The following EXD3 variants were observed in gnomAD, a reference collection of about 807,000 sequenced individuals.
The protein encoded by EXD3 is exonuclease mut-7 homolog.
A neutral mutation model predicts 98.0 loss-of-function variants in EXD3; 92 were observed. The observed-to-expected ratio is 0.94, with a 90% CI of 0.79 to 1.12. EXD3 has a LOEUF of 1.12. Among genes scored for constraint, EXD3 ranks in the 50% most tolerant of loss-of-function variants. The pLI is 0.00. For synonymous variants in EXD3, 569 were observed against 526.0 expected, an observed-to-expected ratio of 1.08 and a Z score of -1.12; for missense variants, 1,222 against 1,191.6, an observed-to-expected ratio of 1.03 and a Z score of -0.38.
intron 19 of EXD3, among the ~76,000 whole-genome samples, chr9:137,317,878 C>T (rs1345597022): frequency 2.6e-5 from 4 of 152,174 alleles, no homozygotes; most frequent in Admixed American, 2.6e-4. Flanking sequence ...CCTACCGCCA[C>T]CTTAGGAGCA....
chr9:137,334,570 T>A lies in EXD3; in HGVS notation c.1999-10427A>T, dbSNP rs935880178. Among the ~76,000 whole-genome samples the A allele has an allele frequency of 7.2e-5, 11 of 152,230 alleles. No homozygotes were observed. In the East Asian group the frequency reaches 2.1e-3, roughly 29 times the overall value. On this transcript the variant is annotated intron_variant, in intron 17 of 21. Coordinates refer to ENST00000340951, the MANE Select transcript of EXD3 (RefSeq NM_017820.5). ...AACTGGATCCATACCTCTCACCATATACAAAACCCAGCTCAAGATGGATGA... is the reference window on the plus strand; with the variant it reads ...AACTGGATCCATACCTCTCACCATAAACAAAACCCAGCTCAAGATGGATGA...
chr9:137,309,711 G>C lies in EXD3; in HGVS notation c.2185-11C>G, dbSNP rs777177342. The C allele has an allele frequency of 5.2e-6, 8 of 1,549,398 alleles. No homozygotes were observed. The African/African-American group carries it at 1.1e-4, about 21-fold the overall frequency. The stretch of plus-strand genomic sequence containing the variant: ...GTCACAGTTACAGGCCTGGGGGCCA[G>C]AGGGGGTGCTGAGGCCCAGGCGGGG... On this transcript the variant is annotated splice_polypyrimidine_tract_variant and intron_variant, in intron 19 of 21. Transcript: ENST00000340951.
At chr9:137,307,784 C>A in intron 20 of EXD3, 138 bp from the exon 21 acceptor site, 1 of 948,106 alleles carries the variant, frequency 1.1e-6, no homozygotes, top group East Asian at 2.6e-5. Flanking sequence ...CCCCAGCCTT[C>A]GCAGACGGGC....
chr9:137,360,264 T>C (rs1246122302), intron 7 of EXD3, among the ~76,000 whole-genome samples: 1 of 86,526 alleles, frequency 1.2e-5, no homozygotes, highest in Non-Finnish European at 2.8e-5. Context: ...ATTGTTTATT[T>C]GCTTTGTAGG....
intron 7 of EXD3, among the ~76,000 whole-genome samples, chr9:137,364,624 A>C (rs114037263): frequency 0.11 from 17,140 of 151,694 alleles, 1,389 homozygotes; most frequent in Admixed American, 0.22. Flanking sequence ...TCTAAAAAAA[A>C]AAATCATTAA....
intron 5 of EXD3, among the ~76,000 whole-genome samples, chr9:137,369,366 G>A (rs951749230): frequency 2.0e-5 from 3 of 152,072 alleles, no homozygotes; most frequent in Non-Finnish European, 2.9e-5. Flanking sequence ...CCAGAGCTCC[G>A]GAAGGCAGGG....
intron 8 of EXD3, among the ~76,000 whole-genome samples, chr9:137,355,620 AGGGAGGAT>A (rs748041005): frequency 0.038 from 268 of 7,026 alleles, 10 homozygotes; most frequent in African/African-American, 0.056. Context: ...GGAAGGAGGA[AGGGAGGAT>A]GGAGGAAGGA....
intron 19 of EXD3, among the ~76,000 whole-genome samples, chr9:137,316,056 C>A (rs1381040134): frequency 6.9e-6 from 1 of 144,552 alleles, no homozygotes. Flanking sequence ...TCCCCTCCCC[C>A]CTCGCCCCCC....
chr9:137,352,284 G>A (rs1834347288), intron 11 of EXD3, 83 bp from the exon 12 acceptor site: 1 of 1,569,600 alleles, frequency 6.4e-7, no homozygotes, highest in South Asian at 1.1e-5. Context: ...GAGCATTCAG[G>A]GCCTGTTTGG....
intron 16 of EXD3, among the ~76,000 whole-genome samples, chr9:137,348,474 G>A (rs1264152638): frequency 6.9e-6 from 1 of 144,592 alleles, no homozygotes; most frequent in South Asian, 2.3e-4. Context: ...CTGGGGTGGC[G>A]TGTGTGCCCA....
chr9:137,383,476 G>A, intron 2 of EXD3, 99 bp from the exon 3 acceptor site: 1 of 890,984 alleles, frequency 1.1e-6, no homozygotes, highest in African/African-American at 1.7e-5. Flanking sequence ...CAATGCCTGG[G>A]GCTCCTCTGG....
chr9:137,312,233 C>A (rs1400519225), intron 19 of EXD3, among the ~76,000 whole-genome samples: 1 of 152,164 alleles, frequency 6.6e-6, no homozygotes, highest in Non-Finnish European at 1.5e-5. Context: ...CCACCCCACC[C>A]CCTCCAGTCT....
Position 137,393,694 on chromosome 9 carries a change from A to C in EXD3, c.55+1609T>G, listed in dbSNP as rs1837059247. Among the ~76,000 whole-genome samples the C allele has an allele frequency of 6.6e-6, 1 of 152,128 alleles. No homozygotes were observed. Among genetic ancestry groups the C allele is most frequent in the South Asian group, 2.1e-4 (1 of 4,828 alleles). On this transcript the variant is annotated intron_variant, in intron 2 of 21. Transcript: ENST00000340951. This position sits in a 1 kb window ranked among gnomAD's most constrained non-coding sequence, Gnocchi z 4.6. ...GTGGGATAGGGAAACTGAGGCAGAG[A>C]GCCTCAGCTGCTGCCATGTGGGAGC... is the stretch of plus-strand genomic sequence containing the variant.
intron 3 of EXD3, among the ~76,000 whole-genome samples, chr9:137,377,966 T>G (rs895161446): frequency 6.8e-6 from 1 of 146,564 alleles, no homozygotes; most frequent in Non-Finnish European, 1.5e-5. Context: ...GCCAAGTTTT[T>G]ATATTTTTAG....
chr9:137,356,374 G>C lies in EXD3; in HGVS notation c.657-6C>G. 1 of 1,552,200 alleles carries C rather than the reference G, an allele frequency of 6.4e-7. No individual in the cohort carries two copies. The highest frequency in any genetic ancestry group is 8.8e-7 in the Non-Finnish European group (1 of 1,134,566). ...AGGTCACCTCAGGGTACCGTCTGTG[G>C]GGAGAGAGAGGCACAGCCTCTGTTG... On this transcript the variant is annotated splice_polypyrimidine_tract_variant and splice_region_variant and intron_variant, in intron 7 of 21. Transcript: ENST00000340951.
chr9:137,374,451 T>C (rs1010625757), intron 3 of EXD3: 1 of 552,556 alleles, frequency 1.8e-6, no homozygotes. Flanking sequence ...GCGATGTGGA[T>C]GGTGTGCTCT....
At chr9:137,313,974 C>G (rs1395768875) in intron 19 of EXD3, among the ~76,000 whole-genome samples, 1 of 152,138 alleles carries the variant, frequency 6.6e-6, no homozygotes, top group East Asian at 1.9e-4. Flanking sequence ...GGGATGCTGG[C>G]GGGGGTCGCC....
chr9:137,370,262 G>C (rs950626896), intron 5 of EXD3, among the ~76,000 whole-genome samples: 2 of 152,206 alleles, frequency 1.3e-5, no homozygotes, highest in African/African-American at 4.8e-5. Flanking sequence ...ATTTCTGTCT[G>C]AACTTCCCTG....
At chr9:137,307,558 A>G (rs1277698895) in intron 21 of EXD3, 50 bp downstream of exon 21, 2 of 1,599,796 alleles carry the variant, frequency 1.3e-6, no homozygotes, top group South Asian at 1.1e-5. Context: ...GCCTGGCACC[A>G]GGGCCGCAGA....
Sources: allele counts gnomAD v4.1 joint callset (sites outside exome capture counted in the v4.1 genomes callset), GRCh38; gene constraint gnomAD v4.1.1; non-coding constraint Gnocchi (gnomAD v3.1); transcripts MANE v1.5; gene names NCBI Gene and HGNC (gene_info 2026-07-23, HGNC 2026-07-21).